Variants in AUTS2 observed in about 807,000 individuals in gnomAD.
AUTS2 encodes autism susceptibility gene 2 protein.
A neutral mutation model predicts 112.4 loss-of-function variants in AUTS2; 17 were observed. That is an observed-to-expected ratio of 0.15 (90% CI 0.10 to 0.23). The LOEUF (loss-of-function observed/expected upper bound fraction) is 0.23, where lower values mean the gene tolerates loss of function less well. AUTS2 is among the 10% of genes least tolerant of loss of function. The pLI is 1.00. For missense variants in AUTS2, 1,510 were observed against 1,701.6 expected (o/e 0.89, Z 1.98); for synonymous variants, 751 against 702.7 (o/e 1.07, Z -1.09).
chr7:69,931,909 C>T (rs1003706692), intron 2 of AUTS2, among the ~76,000 whole-genome samples: 2 of 152,198 alleles, frequency 1.3e-5, no homozygotes, highest in Admixed American at 1.3e-4. Flanking sequence ...ATTGATGACT[C>T]TTTTTAATTA....
chr7:70,621,469 T>C (rs1397159708), intron 5 of AUTS2, among the ~76,000 whole-genome samples: 1 of 152,212 alleles, frequency 6.6e-6, no homozygotes, highest in Non-Finnish European at 1.5e-5. Flanking sequence ...TCCAGCAACT[T>C]TCGCCTCATG....
At chr7:69,777,717 T>C (rs1788955367) in intron 1 of AUTS2, among the ~76,000 whole-genome samples, 1 of 152,220 alleles carries the variant, frequency 6.6e-6, no homozygotes, top group South Asian at 2.1e-4. Flanking sequence ...CTTTAAAAAT[T>C]AGGCTTCCGA....
chr7:70,078,391 C>G (rs777040176), intron 2 of AUTS2, among the ~76,000 whole-genome samples: 1 of 152,134 alleles, frequency 6.6e-6, no homozygotes, highest in Non-Finnish European at 1.5e-5. Flanking sequence ...AATGTATTGA[C>G]GAATTGTTTA....
intron 5 of AUTS2, among the ~76,000 whole-genome samples, chr7:70,455,438 G>A (rs1796697586): frequency 6.6e-6 from 1 of 152,150 alleles, no homozygotes; most frequent in Non-Finnish European, 1.5e-5. Context: ...TGGATTGTTA[G>A]CAAGCCAAAT....
intron 1 of AUTS2, among the ~76,000 whole-genome samples, chr7:69,727,025 A>G (rs912543674): frequency 1.3e-5 from 2 of 152,136 alleles, no homozygotes; most frequent in Non-Finnish European, 2.9e-5. Context: ...TTGATGAAGT[A>G]TAGTTTATCT....
chr7:70,177,904 G>A (rs149029682), intron 4 of AUTS2, among the ~76,000 whole-genome samples: 145 of 149,392 alleles, frequency 9.7e-4, no homozygotes, highest in African/African-American at 3.0e-3. Context: ...ATCTTCTACC[G>A]TTAACATAAT....
At chr7:70,656,431 A>G (rs1806775296) in intron 5 of AUTS2, among the ~76,000 whole-genome samples, 2 of 151,624 alleles carry the variant, frequency 1.3e-5, no homozygotes, top group South Asian at 4.2e-4. Flanking sequence ...TATTATGTAT[A>G]TAAAATTAGG....
At chr7:70,713,458 C>A (rs1483577115) in intron 6 of AUTS2, among the ~76,000 whole-genome samples, 1 of 152,158 alleles carries the variant, frequency 6.6e-6, no homozygotes, top group Non-Finnish European at 1.5e-5. Context: ...ATGTAAAACT[C>A]TTAAGAAGTT....
intron 1 of AUTS2, among the ~76,000 whole-genome samples, chr7:69,894,232 T>G (rs1794642242): frequency 7.0e-6 from 1 of 143,106 alleles, no homozygotes; most frequent in South Asian, 2.3e-4. Flanking sequence ...TCTATGACTG[T>G]CAAATGAATG....
At chr7:70,018,429 A>C (rs1800128652) in intron 2 of AUTS2, among the ~76,000 whole-genome samples, 1 of 152,292 alleles carries the variant, frequency 6.6e-6, no homozygotes. Context: ...AACTTCAACC[A>C]CTCAGTTTTG....
At chr7:70,610,959 C>A (rs1271033191) in intron 5 of AUTS2, among the ~76,000 whole-genome samples, 1 of 152,092 alleles carries the variant, frequency 6.6e-6, no homozygotes, top group African/African-American at 2.4e-5. Flanking sequence ...TTGATTGTTT[C>A]CTTTGCCATG....
At chr7:69,661,793 T>A (rs1795809580) in intron 1 of AUTS2, among the ~76,000 whole-genome samples, 1 of 152,168 alleles carries the variant, frequency 6.6e-6, no homozygotes, top group African/African-American at 2.4e-5. Context: ...GTTGCATGTG[T>A]ATTTGTGTGT....
At chr7:70,739,896 C>T (rs553726395) in intron 6 of AUTS2, among the ~76,000 whole-genome samples, 1 of 151,704 alleles carries the variant, frequency 6.6e-6, no homozygotes, top group Non-Finnish European at 1.5e-5. Flanking sequence ...TAATACAAGT[C>T]TACTTCCTCT....
chr7:70,629,787 G>T (rs188981505), intron 5 of AUTS2, among the ~76,000 whole-genome samples: 1 of 151,362 alleles, frequency 6.6e-6, no homozygotes, highest in East Asian at 1.9e-4. Context: ...AAAGCTTTAG[G>T]TCTATATTTT....
intron 4 of AUTS2, among the ~76,000 whole-genome samples, chr7:70,187,775 C>CT (rs71077627): frequency 0.02 from 2,189 of 110,258 alleles, 92 homozygotes; most frequent in African/African-American, 0.058. Flanking sequence ...AACTAGTCTT[C>CT]TTTTTTTTTT....
In AUTS2 at chr7:70,460,371, A is replaced by G. The variant is rs528071317; in HGVS notation, c.690+24590A>G. On this transcript the variant is annotated intron_variant, in intron 5 of 18. Transcript: ENST00000342771. ...TTTTTTTTTTTTTTTTTTTTTTGAG[A>G]TGGAGTTTCGCTTGTGTCACCCAGG... Among the ~76,000 whole-genome samples the G allele has an allele frequency of 6.9e-5, 6 of 87,326 alleles. No homozygotes were observed. In the East Asian group the frequency reaches 2.2e-3, roughly 32 times the overall value. The allele number at this position is 87,326 out of a possible 152,430, so 57.3% of individuals were successfully genotyped here.
intron 5 of AUTS2, among the ~76,000 whole-genome samples, chr7:70,438,444 G>T (rs909015079): frequency 6.6e-6 from 1 of 152,236 alleles, no homozygotes. Flanking sequence ...TGGTGATCCT[G>T]CAGGTCTTAA....
At chr7:69,625,745 C>G (rs1036467722) in intron 1 of AUTS2, among the ~76,000 whole-genome samples, 1 of 151,922 alleles carries the variant, frequency 6.6e-6, no homozygotes, top group Non-Finnish European at 1.5e-5. Flanking sequence ...GTAGTCCTGT[C>G]TACTCGGGAG....
intron 1 of AUTS2, among the ~76,000 whole-genome samples, chr7:69,675,956 G>T (rs184693132): frequency 6.6e-6 from 1 of 152,202 alleles, no homozygotes; most frequent in East Asian, 1.9e-4. Flanking sequence ...ATTATATATT[G>T]GCAGATCATC....
Sources: allele counts gnomAD v4.1 joint callset (sites outside exome capture counted in the v4.1 genomes callset), GRCh38; gene constraint gnomAD v4.1.1; transcripts MANE v1.5; gene names NCBI Gene and HGNC (gene_info 2026-07-23, HGNC 2026-07-21).